The following GABRA4 variants were observed in gnomAD, a reference collection of about 807,000 sequenced individuals.
GABRA4 encodes the protein gamma-aminobutyric acid receptor subunit alpha-4.
GABRA4 carries 12 observed loss-of-function variants against 49.7 expected under a neutral mutation model. The observed-to-expected ratio is 0.24, with a 90% CI of 0.15 to 0.39. GABRA4 has a LOEUF of 0.39. GABRA4 is among the 10% of genes least tolerant of loss of function. The probability of loss-of-function intolerance (pLI) is 1.00; values close to 1 mark genes in which losing one functional copy is unlikely to be tolerated. For synonymous variants in GABRA4, 288 were observed against 240.2 expected, an observed-to-expected ratio of 1.20 and a Z score of -1.84; for missense variants, 506 against 686.0, an observed-to-expected ratio of 0.74 and a Z score of 2.93.
intron 2 of GABRA4, among the ~76,000 whole-genome samples, chr4:46,979,364 C>G (rs1723269000): frequency 6.6e-6 from 1 of 152,056 alleles, no homozygotes; most frequent in South Asian, 2.1e-4. Context: ...CCCCTGGGTA[C>G]TGTTACAACA....
intron 8 of GABRA4, among the ~76,000 whole-genome samples, chr4:46,954,988 A>C (rs1577765871): frequency 2.0e-5 from 3 of 152,284 alleles, no homozygotes; most frequent in East Asian, 3.9e-4. Flanking sequence ...TATAAAGATT[A>C]GAGATAATTC....
intron 8 of GABRA4, among the ~76,000 whole-genome samples, chr4:46,941,174 A>G (rs1396816308): frequency 1.3e-5 from 2 of 152,042 alleles, no homozygotes. Flanking sequence ...TCTAGTAGGC[A>G]GTAAAGGAAA....
intron 2 of GABRA4, among the ~76,000 whole-genome samples, chr4:46,989,825 A>T (rs183710306): frequency 6.6e-6 from 1 of 152,362 alleles, no homozygotes; most frequent in East Asian, 1.9e-4. Flanking sequence ...ATAGCCTACT[A>T]GTCAAAATCT....
chr4:46,988,449 T>C (rs1297315839), intron 2 of GABRA4, among the ~76,000 whole-genome samples: 1 of 152,202 alleles, frequency 6.6e-6, no homozygotes, highest in African/African-American at 2.4e-5. Flanking sequence ...TTTATGTTGC[T>C]GAGAAGTGCT....
chr4:46,990,363 C>T (rs1241672197), intron 2 of GABRA4, among the ~76,000 whole-genome samples: 2 of 152,126 alleles, frequency 1.3e-5, no homozygotes, highest in Non-Finnish European at 2.9e-5. Context: ...ATTGTTTTCA[C>T]TTATGTTATT....
intron 8 of GABRA4, among the ~76,000 whole-genome samples, chr4:46,950,118 T>C (rs1642423853): frequency 1.3e-5 from 2 of 152,154 alleles, no homozygotes; most frequent in Admixed American, 6.6e-5. Context: ...TTTAGCACAG[T>C]GGGTTTCTTG....
In GABRA4 at chr4:46,965,213, G is replaced by A. The variant is rs1345968582; in HGVS notation, c.891C>T (p.Leu297=). 1 of 1,513,100 alleles carries A rather than the reference G, an allele frequency of 6.6e-7. No homozygotes were observed. The highest frequency in any genetic ancestry group is 8.9e-7 in the Non-Finnish European group (1 of 1,124,402). The allele number at this position is 1,513,100 out of a possible 1,614,324, so 93.7% of individuals were successfully genotyped here. Residue 297 remains leucine, a synonymous_variant, in exon 8 of 9, where the codon CTC becomes CTT. Transcript: ENST00000264318. ...CACTGATGCTTAGTGTGGTCATGGTGAGGACAGTTGTTATTCCTTCAAAGC... is the reference window on the plus strand; with the variant it reads ...CACTGATGCTTAGTGTGGTCATGGTAAGGACAGTTGTTATTCCTTCAAAGC... ...ARTVFGITTV[L]TMTTLSISAR...
intron 8 of GABRA4, among the ~76,000 whole-genome samples, chr4:46,938,409 A>C (rs1319338464): frequency 6.6e-6 from 1 of 152,132 alleles, no homozygotes; most frequent in Non-Finnish European, 1.5e-5. Flanking sequence ...TTTCATCTAC[A>C]TCAGCAAAGG....
rs757196579 is a variant in GABRA4, at chr4:46,971,226, A to G, written c.731T>C (p.Ile244Thr). 1 of 1,609,166 alleles carries G rather than the reference A, an allele frequency of 6.2e-7. No homozygotes were observed. The highest frequency in any genetic ancestry group is 8.5e-7 in the Non-Finnish European group (1 of 1,176,780). Reference protein sequence around the residue: ...ETIKSITGEYIVMTVYFHLRR... With the variant: ...ETIKSITGEYTVMTVYFHLRR... ...GAGGTGGAAGTAAACCGTCATAACA[A>G]TATATTCACCTGCCAAGAAAACAGG... is the stretch of plus-strand genomic sequence containing the variant. The change falls in exon 7 of 9, where the codon ATT becomes ACT. Residue 244 changes from isoleucine (I) to threonine (T), a missense_variant. By Grantham distance (89) the Ile-to-Thr change is moderately conservative (BLOSUM62 -1). Transcript: ENST00000264318.
intron 8 of GABRA4, among the ~76,000 whole-genome samples, chr4:46,962,896 A>G (rs1722628578): frequency 6.6e-6 from 1 of 151,842 alleles, no homozygotes; most frequent in African/African-American, 2.4e-5. Context: ...GGAAAACTGT[A>G]TTATTCATAC....
At position 46,925,558 on chromosome 4, in the gene GABRA4, ATTC is replaced by A. The variant is rs1721191913; in HGVS notation, c.*2664_*2666del. 5.3e-5 allele frequency: 8 copies of A among 151,720 alleles called. No homozygotes were observed. The highest frequency in any genetic ancestry group is 2.0e-4 in the Admixed American group (3 of 15,168). The allele number at this position is 151,720 out of a possible 1,614,324, so 9.4% of individuals were successfully genotyped here. A position where few individuals can be genotyped will look rare whatever the true frequency, so the allele number is the denominator to read the frequency against. Reference sequence around the variant, plus strand: ...ACCAGAACTTTGGGTGCCCCTAATCATTCTTCTGAGATTTTCTAAGAGGGAAAA... The same window carrying A: ...ACCAGAACTTTGGGTGCCCCTAATCATTCTGAGATTTTCTAAGAGGGAAAA... On this transcript the variant is annotated 3_prime_UTR_variant, in exon 9 of 9. Coordinates refer to ENST00000264318, the MANE Select transcript of GABRA4 (RefSeq NM_000809.4).
At chr4:46,929,924 T>C (rs1367887288) in intron 8 of GABRA4, among the ~76,000 whole-genome samples, 3 of 152,090 alleles carry the variant, frequency 2.0e-5, no homozygotes, top group South Asian at 2.1e-4. Flanking sequence ...AATTCACAGA[T>C]ACTAATAATA....
chr4:46,970,100 T>C (rs1407209242), intron 7 of GABRA4, among the ~76,000 whole-genome samples: 2 of 151,360 alleles, frequency 1.3e-5, no homozygotes, highest in South Asian at 2.1e-4. Context: ...TCAGATCCAT[T>C]GAGGACACTA....
intron 7 of GABRA4, among the ~76,000 whole-genome samples, chr4:46,966,730 C>A (rs542881258): frequency 6.6e-6 from 1 of 151,714 alleles, no homozygotes; most frequent in Non-Finnish European, 1.5e-5. Flanking sequence ...AAAATTGGAG[C>A]AACTGTGCAA....
At position 46,936,583 on chromosome 4, in the gene GABRA4, A is replaced by G. The variant is rs867034526; in HGVS notation, c.1135-7828T>C. 1.4e-4 allele frequency among the ~76,000 whole-genome samples: 22 copies of G among 152,282 alleles called. No individual in the cohort carries two copies. In the Middle Eastern group the frequency reaches 0.017, roughly 118 times the overall value. The stretch of plus-strand genomic sequence containing the variant: ...GTTTCTTTCTGGGACTTTACCAACT[A>G]TCAGTAAAATCCAGAAAGTGGTCAT... On this transcript the variant is annotated intron_variant, in intron 8 of 8. Coordinates refer to ENST00000264318, the MANE Select transcript of GABRA4 (RefSeq NM_000809.4).
intron 7 of GABRA4, 60 bp downstream of exon 7, chr4:46,971,023 C>G (rs1008613590): frequency 2.3e-5 from 34 of 1,485,950 alleles, no homozygotes; most frequent in Non-Finnish European, 3.0e-5. Flanking sequence ...AGAAATATCC[C>G]ATGAATCATG....
intron 7 of GABRA4, among the ~76,000 whole-genome samples, chr4:46,968,481 C>A (rs905794380): frequency 6.6e-6 from 1 of 151,544 alleles, no homozygotes; most frequent in Non-Finnish European, 1.5e-5. Flanking sequence ...CCTGTGAAGA[C>A]AGACTGACTG....
chr4:46,971,528 C>T (rs1355731262), intron 6 of GABRA4, among the ~76,000 whole-genome samples: 2 of 151,410 alleles, frequency 1.3e-5, no homozygotes, highest in African/African-American at 2.4e-5. Context: ...TCTAATATTG[C>T]TAAGGCAATT....
intron 2 of GABRA4, among the ~76,000 whole-genome samples, chr4:46,989,631 C>T (rs1043570121): frequency 1.3e-5 from 2 of 152,202 alleles, no homozygotes; most frequent in African/African-American, 2.4e-5. Flanking sequence ...AATTTAGTTT[C>T]CAAATCTATT....
Sources: allele counts gnomAD v4.1 joint callset (sites outside exome capture counted in the v4.1 genomes callset), GRCh38; gene constraint gnomAD v4.1.1; transcripts MANE v1.5; gene names NCBI Gene and HGNC (gene_info 2026-07-23, HGNC 2026-07-21).